Variants in UST observed in about 807,000 individuals in gnomAD.
The protein encoded by UST is chondroitin sulfate 2-O-sulfotransferase.
In UST, 21 loss-of-function variants were observed where a neutral mutation model predicts 45.6. The ratio of observed to expected loss-of-function variants is 0.46; its 90% CI spans 0.33 to 0.66. The LOEUF is 0.66. Ranked by LOEUF, UST falls within the 30% of genes least tolerant of loss-of-function variation. The pLI is 0.02. For synonymous variants in UST, 215 were observed against 200.6 expected (o/e 1.07, Z -0.61); for missense variants, 463 against 512.4 (o/e 0.90, Z 0.93).
intron 5 of UST, among the ~76,000 whole-genome samples, chr6:148,972,257 C>T (rs1001979634): frequency 6.6e-6 from 1 of 152,114 alleles, no homozygotes; most frequent in Non-Finnish European, 1.5e-5. Flanking sequence ...TTGTTGGGAG[C>T]GGCTTCCCAG....
intron 1 of UST, among the ~76,000 whole-genome samples, chr6:148,828,648 C>T (rs573478128): frequency 6.6e-6 from 1 of 152,158 alleles, no homozygotes; most frequent in Non-Finnish European, 1.5e-5. Context: ...GGAGAGAGGA[C>T]TAAATGAATT....
chr6:148,881,995 G>A (rs1778830849), intron 1 of UST, among the ~76,000 whole-genome samples: 1 of 152,148 alleles, frequency 6.6e-6, no homozygotes, highest in African/African-American at 2.4e-5. Flanking sequence ...AATACCTTCT[G>A]TCTATGCAAC....
chr6:149,043,981 C>T (rs1017323198), intron 7 of UST, among the ~76,000 whole-genome samples: 1 of 152,184 alleles, frequency 6.6e-6, no homozygotes, highest in Non-Finnish European at 1.5e-5. Flanking sequence ...TGTTATTAGT[C>T]TTGATCTTAG....
chr6:148,771,321 C>T, intron 1 of UST, among the ~76,000 whole-genome samples: 1 of 152,200 alleles, frequency 6.6e-6, no homozygotes, highest in East Asian at 1.9e-4. Flanking sequence ...GCTCTGCTTC[C>T]ATTTTACCTA....
At chr6:149,025,315 T>C (rs1393244768) in intron 7 of UST, among the ~76,000 whole-genome samples, 1 of 152,214 alleles carries the variant, frequency 6.6e-6, no homozygotes, top group African/African-American at 2.4e-5. Context: ...CCTTTAGAAC[T>C]TTTTTTAAAC....
At chr6:149,049,044 A>G (rs188568833) in intron 7 of UST, among the ~76,000 whole-genome samples, 14 of 152,336 alleles carry the variant, frequency 9.2e-5, no homozygotes, top group African/African-American at 2.9e-4. Context: ...TAGTAGGGGC[A>G]TAGGTATATA....
At chr6:149,058,666 G>A (rs535365687) in intron 7 of UST, among the ~76,000 whole-genome samples, 8 of 152,066 alleles carry the variant, frequency 5.3e-5, no homozygotes, top group African/African-American at 1.7e-4. Flanking sequence ...AGTAACAAAC[G>A]TAATAAAAAC....
chr6:148,834,069 T>C (rs1777741985), intron 1 of UST, among the ~76,000 whole-genome samples: 1 of 152,218 alleles, frequency 6.6e-6, no homozygotes, highest in African/African-American at 2.4e-5. Context: ...TATGTAATTT[T>C]TTCCATTTAT....
intron 1 of UST, among the ~76,000 whole-genome samples, chr6:148,777,839 C>G (rs1156941119): frequency 6.6e-6 from 1 of 152,208 alleles, no homozygotes; most frequent in Non-Finnish European, 1.5e-5. Flanking sequence ...CAGGCATGAG[C>G]CACCACACCT....
At chr6:148,773,756 C>G (rs1776477401) in intron 1 of UST, among the ~76,000 whole-genome samples, 2 of 152,196 alleles carry the variant, frequency 1.3e-5, no homozygotes, top group Non-Finnish European at 2.9e-5. Context: ...TGAATTTGCA[C>G]CAAATGCCAG....
At chr6:148,937,921 T>C (rs994641925) in intron 2 of UST, among the ~76,000 whole-genome samples, 1 of 152,236 alleles carries the variant, frequency 6.6e-6, no homozygotes, top group African/African-American at 2.4e-5. Context: ...ATGCTATTTG[T>C]ACCATTAAAC....
At chr6:148,945,314 C>T (rs756684764) in intron 3 of UST, among the ~76,000 whole-genome samples, 11 of 152,166 alleles carry the variant, frequency 7.2e-5, no homozygotes, top group Non-Finnish European at 1.3e-4. Context: ...GGCTCTTGGC[C>T]TTGAACCTAG....
intron 7 of UST, among the ~76,000 whole-genome samples, chr6:149,026,866 T>C (rs1238735686): frequency 6.6e-6 from 1 of 152,192 alleles, no homozygotes; most frequent in Non-Finnish European, 1.5e-5. Flanking sequence ...GGAGCCACAG[T>C]AGGGAATTTA....
intron 1 of UST, among the ~76,000 whole-genome samples, chr6:148,848,858 C>T (rs557302778): frequency 2.5e-4 from 38 of 152,094 alleles, no homozygotes; most frequent in African/African-American, 8.4e-4. Flanking sequence ...CAAGAGGGGC[C>T]GGTAGTGTGG....
intron 7 of UST, among the ~76,000 whole-genome samples, chr6:149,050,176 T>C (rs1776462647): frequency 1.3e-5 from 2 of 152,216 alleles, no homozygotes; most frequent in African/African-American, 4.8e-5. Flanking sequence ...AGAAGGTAGC[T>C]CATAGATCTT....
intron 7 of UST, among the ~76,000 whole-genome samples, chr6:149,030,660 T>A (rs1776126143): frequency 7.3e-6 from 1 of 136,780 alleles, no homozygotes; most frequent in Non-Finnish European, 1.5e-5. Context: ...TCTATAAAGA[T>A]TTTTTTTTTC....
chr6:149,052,919 T>A (rs903024947), intron 7 of UST, among the ~76,000 whole-genome samples: 6 of 152,202 alleles, frequency 3.9e-5, no homozygotes, highest in Non-Finnish European at 7.3e-5. Flanking sequence ...TTGGTTTTCA[T>A]AAGGGTTTTA....
At chr6:148,794,302 T>G (rs1377453544) in intron 1 of UST, among the ~76,000 whole-genome samples, 1 of 152,250 alleles carries the variant, frequency 6.6e-6, no homozygotes, top group Admixed American at 6.5e-5. Context: ...AGAACAGCTT[T>G]AAGTTTCTTA....
At chr6:148,875,576 G>T (rs964179724) in intron 1 of UST, among the ~76,000 whole-genome samples, 1 of 152,234 alleles carries the variant, frequency 6.6e-6, no homozygotes, top group African/African-American at 2.4e-5. Context: ...ACTGAAGTGG[G>T]CGGATCACCT....
Sources: gnomAD v4.1 joint callset for allele counts (sites outside exome capture counted in the v4.1 genomes callset) on GRCh38, gnomAD v4.1.1 for gene constraint, MANE v1.5 for transcripts, NCBI Gene and HGNC (gene_info 2026-07-23, HGNC 2026-07-21) for gene names.